Variants in PGLS observed in about 807,000 individuals in gnomAD.
PGLS encodes 6-phosphogluconolactonase, also known as epididymis secretory protein Li 304.
PGLS carries 21 observed loss-of-function variants against 23.2 expected under a neutral mutation model. That is an observed-to-expected ratio of 0.91 (90% CI 0.64 to 1.31). The LOEUF is 1.31. Ranked by LOEUF, PGLS falls within the 50% of genes most tolerant of loss-of-function variation. The pLI is 0.00. For missense variants in PGLS, 410 were observed against 354.0 expected (o/e 1.16, Z -1.27); for synonymous variants, 179 against 165.4 (o/e 1.08, Z -0.63).
At chr19:17,512,135 T>A in intron 1 of PGLS, 175 bp downstream of exon 1, 2 of 678,860 alleles carry the variant, frequency 2.9e-6, no homozygotes, top group Non-Finnish European at 4.5e-6. Flanking sequence ...TGCCTGCACC[T>A]CGGCTACGTG....
rs1242181901 is a variant in PGLS at position 17,516,184 on chromosome 19, C to T, written c.300C>T (p.Leu100=). Residue 100 remains leucine (L), a synonymous_variant, in exon 2 of 5, where the codon CTC becomes CTT. Coordinates refer to ENST00000252603, the MANE Select transcript of PGLS (RefSeq NM_012088.3). The part of the protein sequence containing the change: ...STYGLYRTHL[L]SRLPIPESQV... ...TCTGTTGGCTGCAGACGCATCTTCT[C>T]TCCAGACTGCCGATCCCAGAAAGCC... 7.4e-6 allele frequency: 12 copies of T among 1,613,724 alleles called. No homozygotes were observed. Among genetic ancestry groups the T allele is most frequent in the Non-Finnish European group, 9.3e-6 (11 of 1,179,784 alleles).
At chr19:17,518,820 C>T (rs187767930) in intron 4 of PGLS, among the ~76,000 whole-genome samples, 6 of 152,142 alleles carry the variant, frequency 3.9e-5, no homozygotes, top group East Asian at 1.9e-4. Flanking sequence ...TATGAGTCAC[C>T]GTGCCTAGCC....
At chr19:17,519,540 C>T (rs1304474064) in intron 4 of PGLS, among the ~76,000 whole-genome samples, 1 of 151,812 alleles carries the variant, frequency 6.6e-6, no homozygotes, top group Non-Finnish European at 1.5e-5. Flanking sequence ...GCTGGGATTA[C>T]AGGCACCTGC....
chr19:17,517,624 G>T (rs2075539255), intron 3 of PGLS, 86 bp from the exon 4 acceptor site: 7 of 1,457,156 alleles, frequency 4.8e-6, no homozygotes, highest in Non-Finnish European at 6.7e-6. Flanking sequence ...TGGAACAGTG[G>T]CTGGACCAGG....
rs758825713 is a variant in PGLS, at chr19:17,516,326, G to A, written c.396+46G>A. The A allele has an allele frequency of 8.3e-6, 13 of 1,574,978 alleles. No homozygotes were observed. The South Asian group carries it at 1.5e-4, about 18-fold the overall frequency. On this transcript the variant is annotated intron_variant, in intron 2 of 4. Transcript: ENST00000252603. The stretch of plus-strand genomic sequence containing the variant: ...GCAAGGGAGTCACATCCACGAAGCG[G>A]CCACACCCCGGGCAACAGAGCGGCC...
chr19:17,514,516 G>A lies in PGLS; in HGVS notation c.289-1657G>A, dbSNP rs528522420. On this transcript the variant is annotated intron_variant, in intron 1 of 4. Coordinates refer to ENST00000252603, the MANE Select transcript of PGLS (RefSeq NM_012088.3). ...TCCTTTTCTTTCTTTTTTTGAGATA[G>A]GATCTTGTTGTGTTGCCCAGGCTGG... 4.7e-5 allele frequency among the ~76,000 whole-genome samples: 7 copies of A among 150,204 alleles called. No homozygotes were observed. The East Asian group carries it at 1.4e-3, about 29-fold the overall frequency.
chr19:17,511,745 C>A lies in PGLS; in HGVS notation c.73C>A (p.Leu25Met), dbSNP rs1465680880. Residue 25 changes from leucine (L) to methionine (M), a missense_variant, in exon 1 of 5, where the codon CTG (leucine) becomes ATG (methionine). Transcript: ENST00000252603. ...GGAGCTGGGTGCGGCGCTAGCGCAG[C>A]TGGTGGCCCAGCGCGCAGCATGCTG... ...SQELGAALAQ[L>M]VAQRAACCLA... is the part of the protein sequence containing the mutation. 2 of 1,504,462 alleles carry A rather than the reference C, an allele frequency of 1.3e-6. No homozygotes were observed. The highest frequency in any genetic ancestry group is 1.8e-6 in the Non-Finnish European group (2 of 1,133,852). 93.2% of individuals were successfully genotyped at this position (1,504,462 alleles called of 1,614,324 possible).
chr19:17,517,851 G>A lies in PGLS; in HGVS notation c.639+1G>A. On this transcript the variant is annotated splice_donor_variant, in intron 4 of 4. Coordinates refer to ENST00000252603, the MANE Select transcript of PGLS (RefSeq NM_012088.3). LOFTEE classifies it high-confidence loss of function. ...AGAAGGCAAGGCAGCTGTTCTGAAG[G>A]TAACAGCTGAGGGTTCTAGTCCTGG... The A allele has an allele frequency of 2.5e-6, 4 of 1,613,940 alleles. No homozygotes were observed. The highest frequency in any genetic ancestry group is 3.4e-6 in the Non-Finnish European group (4 of 1,179,992).
chr19:17,517,860 G>A lies in PGLS; in HGVS notation c.639+10G>A, dbSNP rs375233661. 1.4e-5 allele frequency: 23 copies of A among 1,613,926 alleles called. No individual in the cohort carries two copies. Among genetic ancestry groups the A allele is most frequent in the African/African-American group, 9.3e-5 (7 of 75,058 alleles). ...GGCAGCTGTTCTGAAGGTAACAGCT[G>A]AGGGTTCTAGTCCTGGGAAGTTCAT... On this transcript the variant is annotated intron_variant, in intron 4 of 4. Transcript: ENST00000252603.
chr19:17,512,288 G>A (rs1475560379), intron 1 of PGLS: 3 of 387,300 alleles, frequency 7.7e-6, no homozygotes, highest in Non-Finnish European at 1.4e-5. Flanking sequence ...GACAGGGCTC[G>A]CCCGCCTCCT....
chr19:17,512,955 T>G (rs1382473917), intron 1 of PGLS: 4 of 152,256 alleles, frequency 2.6e-5, no homozygotes, highest in Non-Finnish European at 5.9e-5. Context: ...ATGGAGAAAC[T>G]GAGGCCAGAA....
intron 1 of PGLS, among the ~76,000 whole-genome samples, chr19:17,514,417 C>T (rs1444757014): frequency 1.3e-5 from 2 of 151,966 alleles, no homozygotes; most frequent in Non-Finnish European, 2.9e-5. Context: ...CTATTTCCTT[C>T]CTTCCTTCCC....
intron 1 of PGLS, chr19:17,513,056 T>C (rs1473989657): frequency 6.6e-6 from 1 of 152,136 alleles, no homozygotes; most frequent in African/African-American, 2.4e-5. Context: ...TGGGTACACA[T>C]TTAACTTCCG....
At chr19:17,516,363 A>T in intron 2 of PGLS, 83 bp downstream of exon 2, 9 of 1,523,916 alleles carry the variant, frequency 5.9e-6, no homozygotes, top group Non-Finnish European at 8.0e-6. Flanking sequence ...TCTGATTGTC[A>T]CCAGCAGGAA....
Position 17,511,801 on chromosome 19 carries a change from C to A in PGLS, c.129C>A (p.Leu43=). The part of the protein sequence containing the change: ...CLAGARARFA[L]GLSGGSLVSM... ...CAGGGGCCCGCGCCCGTTTCGCGCTCGGCCTGTCGGGCGGGAGCCTCGTCT... is the reference window on the plus strand; with the variant it reads ...CAGGGGCCCGCGCCCGTTTCGCGCTAGGCCTGTCGGGCGGGAGCCTCGTCT... The change falls in exon 1 of 5, where the codon CTC becomes CTA. Residue 43 remains leucine, a synonymous_variant. Coordinates refer to ENST00000252603, the MANE Select transcript of PGLS (RefSeq NM_012088.3). 6.6e-7 allele frequency: 1 copy of A among 1,503,880 alleles called. No individual in the cohort carries two copies. Among genetic ancestry groups the A allele is most frequent in the Non-Finnish European group, 8.8e-7 (1 of 1,132,046 alleles). The allele number at this position is 1,503,880 out of a possible 1,614,324, so 93.2% of individuals were successfully genotyped here.
chr19:17,518,742 G>C (rs2075544793), intron 4 of PGLS: 1 of 152,060 alleles, frequency 6.6e-6, no homozygotes, highest in Non-Finnish European at 1.5e-5. Flanking sequence ...TGTTGGCCAG[G>C]CTGGTCTCAA....
chr19:17,512,726 G>A (rs563134120), intron 1 of PGLS: 1 of 152,328 alleles, frequency 6.6e-6, no homozygotes, highest in Non-Finnish European at 1.5e-5. Flanking sequence ...GGGAAGAGTG[G>A]GAGGGGCGGG....
At chr19:17,514,602 C>T (rs1052301295) in intron 1 of PGLS, among the ~76,000 whole-genome samples, 2 of 152,068 alleles carry the variant, frequency 1.3e-5, no homozygotes, top group Non-Finnish European at 2.9e-5. Flanking sequence ...ATCAATCCCC[C>T]TGCCTCAGCC....
chr19:17,521,163 T>G lies in PGLS; in HGVS notation c.*82T>G. On this transcript the variant is annotated 3_prime_UTR_variant, in exon 5 of 5. Transcript: ENST00000252603. ...CTGCTGGCCGCCACTCTCCGGGCTC[T>G]CCTTTCAAAAAGCCACGTCGTGCTG... 2 of 1,396,548 alleles carry G rather than the reference T, an allele frequency of 1.4e-6. No homozygotes were observed. Among genetic ancestry groups the G allele is most frequent in the Non-Finnish European group, 1.9e-6 (2 of 1,053,498 alleles). The allele number at this position is 1,396,548 out of a possible 1,614,324, so 86.5% of individuals were successfully genotyped here.
Sources: gnomAD v4.1 joint callset for allele counts (sites outside exome capture counted in the v4.1 genomes callset) on GRCh38, gnomAD v4.1.1 for gene constraint, MANE v1.5 for transcripts, NCBI Gene and HGNC (gene_info 2026-07-23, HGNC 2026-07-21) for gene names.